LARS2: variants seen among roughly 807,000 people sequenced by gnomAD.
LARS2 encodes leucyl-tRNA synthetase 2, mitochondrial, also known as leucine--tRNA ligase, mitochondrial.
Under a neutral mutation model 116.6 loss-of-function variants are expected in LARS2, and 81 were observed. The observed-to-expected ratio is 0.69, with a 90% confidence interval of 0.58 to 0.84. LARS2 has a LOEUF of 0.84. Among genes scored for constraint, LARS2 ranks in the 40% least tolerant of loss-of-function variants. The pLI is 0.00. For synonymous variants in LARS2, 396 were observed against 407.2 expected (o/e 0.97, Z 0.33); for missense variants, 968 against 1,114.5 (o/e 0.87, Z 1.87).
rs115361910 is a variant in LARS2 at position 45,516,560 on chromosome 3, G to C, written c.2044+284G>C. On this transcript the variant is annotated intron_variant, in intron 17 of 21. Transcript: ENST00000645846. ...CCTCCAGAATGGGGCTCAGGAGGTGGCCTTTGAACAAGCTCAGCGGTGATT... is the reference window on the plus strand; with the variant it reads ...CCTCCAGAATGGGGCTCAGGAGGTGCCCTTTGAACAAGCTCAGCGGTGATT... Among the ~76,000 whole-genome samples, 1,305 of 152,248 alleles carry C rather than the reference G, an allele frequency of 8.6e-3. 15 individuals are homozygous for C. Among genetic ancestry groups the C allele is most frequent in the African/African-American group, 0.022 (919 of 41,548 alleles).
At chr3:45,532,193 C>T (rs1159884542) in intron 20 of LARS2, among the ~76,000 whole-genome samples, 4 of 152,302 alleles carry the variant, frequency 2.6e-5, no homozygotes, top group East Asian at 1.9e-4. Flanking sequence ...ATGCAACAAA[C>T]GCTTCCCTGG....
At chr3:45,481,967 A>G (rs930718779) in intron 10 of LARS2, among the ~76,000 whole-genome samples, 49 of 152,176 alleles carry the variant, frequency 3.2e-4, no homozygotes, top group Admixed American at 3.2e-3. Flanking sequence ...TAAGAGTTTT[A>G]TAGTTTTAGA....
Position 45,539,755 on chromosome 3 carries a change from GTTCATATA to G in LARS2, c.2405-2073_2405-2066del, listed in dbSNP as rs66971665. 4.9e-3 allele frequency among the ~76,000 whole-genome samples: 746 copies of G among 151,970 alleles called. 4 individuals carry two copies. The highest frequency in any genetic ancestry group is 8.4e-3 in the Non-Finnish European group (574 of 67,992). On this transcript the variant is annotated intron_variant, in intron 20 of 21. Transcript: ENST00000645846. ...TATTATTACTATTTCCTTCCAATCT[GTTCATATA>G]AAATTTTTATTAAACTAGGGTCCTA...
chr3:45,530,703 TC>T (rs1700602548), intron 20 of LARS2, among the ~76,000 whole-genome samples: 1 of 152,230 alleles, frequency 6.6e-6, no homozygotes, highest in Non-Finnish European at 1.5e-5. Flanking sequence ...CAAATTATTT[TC>T]CTAAGAAGTT....
intron 8 of LARS2, among the ~76,000 whole-genome samples, chr3:45,468,646 C>T (rs1699474078): frequency 6.6e-6 from 1 of 152,104 alleles, no homozygotes; most frequent in African/African-American, 2.4e-5. Context: ...CACCTTCTCT[C>T]CAAAGTTAGT....
intron 20 of LARS2, among the ~76,000 whole-genome samples, chr3:45,536,681 T>C (rs560841402): frequency 6.6e-6 from 1 of 152,230 alleles, no homozygotes; most frequent in Non-Finnish European, 1.5e-5. Context: ...TCTGGGCTTC[T>C]TGAAGCAAAG....
In LARS2 at chr3:45,547,439, A is replaced by AGCTGGGTGTCAGGCTTTT; in HGVS notation, c.2624_2641dup (p.Leu875_Leu880dup). The AGCTGGGTGTCAGGCTTTT allele has an allele frequency of 6.2e-7, 1 of 1,613,888 alleles. No homozygotes were observed. The highest frequency in any genetic ancestry group is 1.1e-5 in the South Asian group (1 of 91,026). On this transcript the variant is annotated inframe_insertion, in exon 22 of 22. Coordinates refer to ENST00000645846, the MANE Select transcript of LARS2 (RefSeq NM_015340.4). Reference sequence around the variant, plus strand: ...GTCCACGAATTTGTTCTTCAAAGCGAGCTGGGTGTCAGGCTTTTGCAAGGA... The same window carrying AGCTGGGTGTCAGGCTTTT: ...GTCCACGAATTTGTTCTTCAAAGCGAGCTGGGTGTCAGGCTTTTGCTGGGTGTCAGGCTTTTGCAAGGA...
Position 45,431,307 on chromosome 3 carries a change from G to A in LARS2, c.516+11578G>A, listed in dbSNP as rs945937012. ...CAGCCCAAGCTGACTAAGATAAATC[G>A]CTTGTACCTCTACTTTTTGTTTTCT... On this transcript the variant is annotated intron_variant, in intron 6 of 21. Transcript: ENST00000645846. Among the ~76,000 whole-genome samples the A allele has an allele frequency of 2.6e-5, 4 of 152,232 alleles. No individual in the cohort carries two copies. In the South Asian group the frequency reaches 6.2e-4, roughly 24 times the overall value.
rs1426795554 is a variant in LARS2 at position 45,476,367 on chromosome 3, G to C, written c.859-101G>C. On this transcript the variant is annotated intron_variant, in intron 9 of 21. Transcript: ENST00000645846. ...CCCAGTGGTCAGAGCTGTGGTCACT[G>C]TTGGGGAATGAGGAGGGAAGGGGAA... The C allele has an allele frequency of 4.5e-5, 57 of 1,268,388 alleles. No homozygotes were observed. In the Admixed American group the frequency reaches 9.2e-4, roughly 20 times the overall value. The allele number at this position is 1,268,388 out of a possible 1,614,324, so 78.6% of individuals were successfully genotyped here. A position where few individuals can be genotyped will look rare whatever the true frequency, so the allele number is the denominator to read the frequency against.
At chr3:45,506,230 C>G (rs1345049182) in intron 15 of LARS2, among the ~76,000 whole-genome samples, 1 of 152,092 alleles carries the variant, frequency 6.6e-6, no homozygotes, top group Non-Finnish European at 1.5e-5. Context: ...AACTGTTACT[C>G]AGTGCTGCTG....
chr3:45,538,309 G>T (rs564860061), intron 20 of LARS2: 5 of 152,118 alleles, frequency 3.3e-5, no homozygotes, highest in African/African-American at 4.8e-5. Flanking sequence ...CTTCTGCCCA[G>T]AACATTTGTG....
chr3:45,510,948 C>A (rs540723023), intron 15 of LARS2, among the ~76,000 whole-genome samples: 3 of 152,306 alleles, frequency 2.0e-5, no homozygotes, highest in African/African-American at 4.8e-5. Flanking sequence ...TCAAGAAATA[C>A]CAAAGAAATA....
At chr3:45,434,313 C>T (rs1698766562) in intron 6 of LARS2, among the ~76,000 whole-genome samples, 1 of 152,128 alleles carries the variant, frequency 6.6e-6, no homozygotes, top group African/African-American at 2.4e-5. Context: ...AGATTAGGCA[C>T]ATTCAGTTGT....
intron 10 of LARS2, among the ~76,000 whole-genome samples, chr3:45,482,654 A>C (rs1287802545): frequency 6.6e-6 from 1 of 152,208 alleles, no homozygotes; most frequent in Non-Finnish European, 1.5e-5. Flanking sequence ...TTATATGAAA[A>C]GTCAAAGAGT....
Position 45,458,760 on chromosome 3 carries a change from C to T in LARS2, c.624C>T (p.Asp208=), listed in dbSNP as rs2125710350. 2 of 1,613,968 alleles carry T rather than the reference C, an allele frequency of 1.2e-6. No homozygotes were observed. The highest frequency in any genetic ancestry group is 4.5e-5 in the East Asian group (2 of 44,880). Residue 208 remains aspartate (D), a synonymous_variant, in exon 8 of 22, where the codon GAC becomes GAT. Coordinates refer to ENST00000645846, the MANE Select transcript of LARS2 (RefSeq NM_015340.4). ...TTATACAGGCCCTGGTTAACTGGGA[C>T]CCAGTGGATCAAACAGTGCTTGCCA... is the stretch of plus-strand genomic sequence containing the variant. ...AYQKEALVNW[D]PVDQTVLANE...
intron 4 of LARS2, among the ~76,000 whole-genome samples, chr3:45,410,135 G>A (rs1698305527): frequency 6.6e-6 from 1 of 152,188 alleles, no homozygotes; most frequent in Non-Finnish European, 1.5e-5. Flanking sequence ...AAGAAACCAA[G>A]TGGTAATTAA....
In LARS2 at chr3:45,447,250, C is replaced by T. The variant is rs1019265673; in HGVS notation, c.606+270C>T. ...AGAAAGAACACAGGCTTCTCAAATC[C>T]TAGCTCAGCTCCCTCTCCCAGCTAT... On this transcript the variant is annotated intron_variant, in intron 7 of 21. Coordinates refer to ENST00000645846, the MANE Select transcript of LARS2 (RefSeq NM_015340.4). Among the ~76,000 whole-genome samples, 21 of 152,292 alleles carry T rather than the reference C, an allele frequency of 1.4e-4. No homozygotes were observed. The South Asian group carries it at 1.7e-3, about 12-fold the overall frequency.
intron 15 of LARS2, among the ~76,000 whole-genome samples, chr3:45,506,392 T>G (rs1700200978): frequency 1.3e-5 from 2 of 152,210 alleles, no homozygotes; most frequent in South Asian, 2.1e-4. Context: ...AATTTGGAAT[T>G]CTACAGTCAG....
At chr3:45,436,534 C>G (rs751858529) in intron 6 of LARS2, among the ~76,000 whole-genome samples, 21 of 152,002 alleles carry the variant, frequency 1.4e-4, no homozygotes, top group Non-Finnish European at 3.1e-4. Flanking sequence ...GTGGCTCACG[C>G]CTGTAATCCC....
Sources: gnomAD v4.1 joint callset for allele counts (sites outside exome capture counted in the v4.1 genomes callset) on GRCh38, gnomAD v4.1.1 for gene constraint, MANE v1.5 for transcripts, NCBI Gene and HGNC (gene_info 2026-07-23, HGNC 2026-07-21) for gene names.